KCNQ1: variants seen among roughly 807,000 people sequenced by gnomAD.
KCNQ1 encodes potassium voltage-gated channel subfamily KQT member 1.
In KCNQ1, 49 loss-of-function variants were observed where a neutral mutation model predicts 72.4. The ratio of observed to expected loss-of-function variants is 0.68; its 90% confidence interval spans 0.54 to 0.86. The LOEUF (loss-of-function observed/expected upper bound fraction) is 0.86. KCNQ1 is among the 40% of genes least tolerant of loss of function. The probability of loss-of-function intolerance (pLI) is 0.00; values close to 1 mark genes in which losing one functional copy is unlikely to be tolerated. For synonymous variants in KCNQ1, 450 were observed against 412.6 expected (o/e 1.09, Z -1.10); for missense variants, 790 against 945.1 (o/e 0.84, Z 2.15).
chr11:2,514,849 G>A (rs1237678395), intron 1 of KCNQ1, among the ~76,000 whole-genome samples: 1 of 152,130 alleles, frequency 6.6e-6, no homozygotes, highest in Non-Finnish European at 1.5e-5. Context: ...GGCTAGATGT[G>A]AGGAGGGACT....
chr11:2,748,325 A>G lies in KCNQ1; in HGVS notation c.1515-20519A>G, dbSNP rs1222191198. Reference sequence around the variant, plus strand: ...CTGGGTCCACGCAGGGCCTGCTCCCAGAGTGAATCCCAGAGGTGTGCCTGC... The same window carrying G: ...CTGGGTCCACGCAGGGCCTGCTCCCGGAGTGAATCCCAGAGGTGTGCCTGC... On this transcript the variant is annotated intron_variant, in intron 11 of 15. Transcript: ENST00000155840. This position sits in a 1 kb window ranked among gnomAD's most constrained non-coding sequence, Gnocchi z 6.2. Among the ~76,000 whole-genome samples the G allele has an allele frequency of 6.6e-6, 1 of 152,178 alleles. No homozygotes were observed. The highest frequency in any genetic ancestry group is 1.5e-5 in the Non-Finnish European group (1 of 68,006).
At chr11:2,539,194 C>T (rs537260175) in intron 2 of KCNQ1, among the ~76,000 whole-genome samples, 6 of 152,318 alleles carry the variant, frequency 3.9e-5, no homozygotes, top group South Asian at 2.1e-4. Context: ...TCCAGATCTC[C>T]GCCAGGTGCG....
chr11:2,577,047 C>T (rs1199099205), intron 6 of KCNQ1, among the ~76,000 whole-genome samples: 1 of 152,234 alleles, frequency 6.6e-6, no homozygotes, highest in Non-Finnish European at 1.5e-5. Context: ...GGGCCCGCTG[C>T]AAGGGCTGCT....
In KCNQ1 at chr11:2,674,747, C is replaced by A. The variant is rs2133872761; in HGVS notation, c.1514+12666C>A. 2.5e-6 allele frequency: 1 copy of A among 397,970 alleles called. No homozygotes were observed. The allele number at this position is 397,970 out of a possible 1,614,324, so 24.7% of individuals were successfully genotyped here. ...CTTAACTCGTTAAAGTTGCTCCAAT[C>A]CCAGCCCAGTGCCAGACCAGCTTCC... On this transcript the variant is annotated intron_variant, in intron 11 of 15. Coordinates refer to ENST00000155840, the MANE Select transcript of KCNQ1 (RefSeq NM_000218.3). The surrounding 1 kb of genome is among the most constrained non-coding windows in gnomAD (Gnocchi z 5.9).
intron 10 of KCNQ1, chr11:2,648,981 C>CTTTTTTTTTTTT: frequency 7.3e-4 from 155 of 213,206 alleles, no homozygotes; most frequent in African/African-American, 1.7e-3. Flanking sequence ...TTTTCTTTTT[C>CTTTTTTTTTTTT]TTTTTTTTTT....
rs1038763359 is a variant in KCNQ1, at chr11:2,824,770, A to C, written c.1795-22997A>C. Among the ~76,000 whole-genome samples the C allele has an allele frequency of 2.8e-5, 4 of 144,158 alleles. No homozygotes were observed. The highest frequency in any genetic ancestry group is 9.8e-5 in the African/African-American group (4 of 40,612). 94.6% of individuals were successfully genotyped at this position (144,158 alleles called of 152,430 possible). On this transcript the variant is annotated intron_variant, in intron 15 of 15. Coordinates refer to ENST00000155840, the MANE Select transcript of KCNQ1 (RefSeq NM_000218.3). The surrounding 1 kb of genome is among the most constrained non-coding windows in gnomAD (Gnocchi z 5.9). The stretch of plus-strand genomic sequence containing the variant: ...CCCCCGGGACAGCTTTGAGGAAGGA[A>C]CGTCCCCTGGGTTCCACACCACAGA...
rs1846884736 is a variant in KCNQ1, at chr11:2,784,926, T to C, written c.1794+6889T>C. ...GCTTTAGCCATTTTTGTTGTTGCTATTGATTTCTTAAGATTTTCTACATAT... is the reference window on the plus strand; with the variant it reads ...GCTTTAGCCATTTTTGTTGTTGCTACTGATTTCTTAAGATTTTCTACATAT... On this transcript the variant is annotated intron_variant, in intron 15 of 15. Coordinates refer to ENST00000155840, the MANE Select transcript of KCNQ1 (RefSeq NM_000218.3). This position sits in a 1 kb window ranked among gnomAD's most constrained non-coding sequence, Gnocchi z 4.7. 6.6e-6 allele frequency among the ~76,000 whole-genome samples: 1 copy of C among 152,054 alleles called. No individual in the cohort carries two copies. The highest frequency in any genetic ancestry group is 2.4e-5 in the African/African-American group (1 of 41,462).
intron 15 of KCNQ1, among the ~76,000 whole-genome samples, chr11:2,791,710 G>A (rs1167648720): frequency 2.0e-5 from 3 of 152,156 alleles, no homozygotes; most frequent in East Asian, 2.0e-4. Flanking sequence ...TGGGGGTGGG[G>A]GGCCCGGGCC....
Position 2,642,690 on chromosome 11 carries a change from C to T in KCNQ1, c.1394-19271C>T. 1 of 397,668 alleles carries T rather than the reference C, an allele frequency of 2.5e-6. No homozygotes were observed. Among genetic ancestry groups the T allele is most frequent in the African/African-American group, 2.1e-5 (1 of 48,672 alleles). The allele number at this position is 397,668 out of a possible 1,614,324, so 24.6% of individuals were successfully genotyped here. ...TGCTCTGATCTTCGTTATTTCTTTC[C>T]TTCTACTAATTTTATGTTTAGTATG... is the stretch of plus-strand genomic sequence containing the variant. On this transcript the variant is annotated intron_variant, in intron 10 of 15. Transcript: ENST00000155840. The surrounding 1 kb of genome is among the most constrained non-coding windows in gnomAD (Gnocchi z 4.3).
chr11:2,560,618 A>G lies in KCNQ1; in HGVS notation c.478-10010A>G, dbSNP rs1321780642. ...GATGATGTCCAGAGTGGGGGTCTTCAGGTCTTTACGGGCCCCTCAGCCTCC... is the reference window on the plus strand; with the variant it reads ...GATGATGTCCAGAGTGGGGGTCTTCGGGTCTTTACGGGCCCCTCAGCCTCC... On this transcript the variant is annotated intron_variant, in intron 2 of 15. Transcript: ENST00000155840. 2.0e-5 allele frequency among the ~76,000 whole-genome samples: 3 copies of G among 151,628 alleles called. No individual in the cohort carries two copies. The East Asian group carries it at 5.8e-4, about 29-fold the overall frequency.
chr11:2,823,343 C>T (rs753167806), intron 15 of KCNQ1, among the ~76,000 whole-genome samples: 1 of 152,174 alleles, frequency 6.6e-6, no homozygotes, highest in Non-Finnish European at 1.5e-5. Flanking sequence ...GGTGAGGATA[C>T]AGTAAAGACA....
Position 2,658,151 on chromosome 11 carries a change from A to G in KCNQ1, c.1394-3810A>G. The G allele has an allele frequency of 2.5e-6, 1 of 398,636 alleles. No individual in the cohort carries two copies. The highest frequency in any genetic ancestry group is 4.4e-6 in the Non-Finnish European group (1 of 226,050). The allele number at this position is 398,636 out of a possible 1,614,324, so 24.7% of individuals were successfully genotyped here. ...ATATGTTAAAACTACCACAGCAATTAAAATACATTTCAAGGAAGAAACTGT... is the reference window on the plus strand; with the variant it reads ...ATATGTTAAAACTACCACAGCAATTGAAATACATTTCAAGGAAGAAACTGT... On this transcript the variant is annotated intron_variant, in intron 10 of 15. Transcript: ENST00000155840. The surrounding 1 kb of genome is among the most constrained non-coding windows in gnomAD (Gnocchi z 4.9).
rs1334327794 is a variant in KCNQ1, at chr11:2,677,996, A to G, written c.1514+15915A>G. The stretch of plus-strand genomic sequence containing the variant: ...TTCTTTTGTTGGAAATGAGGTTTTT[A>G]TCTTTCCAAATGCTTAAAATCATTT... On this transcript the variant is annotated intron_variant, in intron 11 of 15. Transcript: ENST00000155840. The surrounding 1 kb of genome is among the most constrained non-coding windows in gnomAD (Gnocchi z 4.5). 1 of 387,782 alleles carries G rather than the reference A, an allele frequency of 2.6e-6. No homozygotes were observed. The highest frequency in any genetic ancestry group is 2.3e-5 in the African/African-American group (1 of 43,646). 24.0% of individuals were successfully genotyped at this position (387,782 alleles called of 1,614,324 possible).
In KCNQ1 at chr11:2,683,110, A is replaced by G. The variant is rs758537966; in HGVS notation, c.1514+21029A>G. 2.7e-6 allele frequency: 1 copy of G among 375,362 alleles called. No homozygotes were observed. The highest frequency in any genetic ancestry group is 4.5e-6 in the Non-Finnish European group (1 of 221,898). The allele number at this position is 375,362 out of a possible 1,614,324, so 23.3% of individuals were successfully genotyped here. A position where few individuals can be genotyped will look rare whatever the true frequency, so the allele number is the denominator to read the frequency against. On this transcript the variant is annotated intron_variant, in intron 11 of 15. Transcript: ENST00000155840. This position sits in a 1 kb window ranked among gnomAD's most constrained non-coding sequence, Gnocchi z 4.7. ...CTTCAGATTTTCTTGTTCCCAGGAT[A>G]TATCGCACCAACTCAGGAGGGTGTG...
chr11:2,614,828 G>A (rs1192818232), intron 10 of KCNQ1: 1 of 398,314 alleles, frequency 2.5e-6, no homozygotes, highest in African/African-American at 2.1e-5. Flanking sequence ...GCAGGCCTGA[G>A]TCTTCCAACT....
chr11:2,561,439 C>G (rs1404801523), intron 2 of KCNQ1, among the ~76,000 whole-genome samples: 1 of 152,172 alleles, frequency 6.6e-6, no homozygotes, highest in African/African-American at 2.4e-5. Flanking sequence ...CCCTCTTGAG[C>G]ACATGGGACA....
At position 2,691,618 on chromosome 11, in the gene KCNQ1, C is replaced by T. The variant is rs1432546650; in HGVS notation, c.1514+29537C>T. 7.5e-6 allele frequency: 3 copies of T among 398,454 alleles called. No homozygotes were observed. The highest frequency in any genetic ancestry group is 2.1e-5 in the African/African-American group (1 of 48,598). The allele number at this position is 398,454 out of a possible 1,614,324, so 24.7% of individuals were successfully genotyped here. On this transcript the variant is annotated intron_variant, in intron 11 of 15. Coordinates refer to ENST00000155840, the MANE Select transcript of KCNQ1 (RefSeq NM_000218.3). The surrounding 1 kb of genome is among the most constrained non-coding windows in gnomAD (Gnocchi z 6.4). ...GAGTCAACCTAGCTTGTTCCCTGCACGTACTGTGGGGAGGTCCTCTTTACC... is the reference window on the plus strand; with the variant it reads ...GAGTCAACCTAGCTTGTTCCCTGCATGTACTGTGGGGAGGTCCTCTTTACC...
Position 2,783,628 on chromosome 11 carries a change from A to G in KCNQ1, c.1794+5591A>G, listed in dbSNP as rs1846862869. ...TACCATTTTGCTTTCTCACCAGTAA[A>G]GTATAAAGGTTCCACTTTCTCCACA... On this transcript the variant is annotated intron_variant, in intron 15 of 15. Coordinates refer to ENST00000155840, the MANE Select transcript of KCNQ1 (RefSeq NM_000218.3). This position sits in a 1 kb window ranked among gnomAD's most constrained non-coding sequence, Gnocchi z 5.2. 6.6e-6 allele frequency among the ~76,000 whole-genome samples: 1 copy of G among 152,066 alleles called. No individual in the cohort carries two copies.
At chr11:2,504,675 C>A (rs915184140) in intron 1 of KCNQ1, among the ~76,000 whole-genome samples, 1 of 152,070 alleles carries the variant, frequency 6.6e-6, no homozygotes, top group African/African-American at 2.4e-5. Flanking sequence ...GAGAATCACT[C>A]GAACTCAGGA....
Sources: gnomAD v4.1 joint callset for allele counts (sites outside exome capture counted in the v4.1 genomes callset) on GRCh38, gnomAD v4.1.1 for gene constraint, Gnocchi (gnomAD v3.1) non-coding constraint, MANE v1.5 for transcripts, NCBI Gene and HGNC (gene_info 2026-07-23, HGNC 2026-07-21) for gene names.